CSPP1: variants seen among roughly 807,000 people sequenced by gnomAD.
CSPP1 encodes the protein centrosome and spindle pole-associated protein 1.
Under a neutral mutation model 164.4 loss-of-function variants are expected in CSPP1, and 126 were observed. The ratio of observed to expected loss-of-function variants is 0.77; its 90% CI spans 0.66 to 0.89. The LOEUF is 0.89. Among genes scored for constraint, CSPP1 ranks in the 40% least tolerant of loss-of-function variants. The pLI, the probability that CSPP1 is intolerant of heterozygous loss-of-function variation, is 0.00. For synonymous variants in CSPP1, 472 were observed against 476.7 expected (o/e 0.99, Z 0.13); for missense variants, 1,395 against 1,449.8 (o/e 0.96, Z 0.61).
chr8:67,153,420 A>G (rs573914161), intron 18 of CSPP1, among the ~76,000 whole-genome samples: 20 of 152,266 alleles, frequency 1.3e-4, no homozygotes, highest in Admixed American at 1.2e-3. Context: ...TAGGTAATAT[A>G]TACTAAAAAA....
intron 21 of CSPP1, among the ~76,000 whole-genome samples, chr8:67,160,240 G>A (rs1257833036): frequency 4.7e-5 from 7 of 150,482 alleles, no homozygotes; most frequent in African/African-American, 1.2e-4. Flanking sequence ...CGAGGCAGGC[G>A]GATCACTTGA....
intron 7 of CSPP1, among the ~76,000 whole-genome samples, chr8:67,102,225 A>G (rs985183254): frequency 2.0e-5 from 3 of 152,126 alleles, no homozygotes; most frequent in Non-Finnish European, 2.9e-5. Context: ...CCTGTGATTT[A>G]CAGTGTTAGC....
At chr8:67,148,210 C>T (rs910719152) in intron 17 of CSPP1, among the ~76,000 whole-genome samples, 6 of 152,174 alleles carry the variant, frequency 3.9e-5, no homozygotes, top group African/African-American at 1.2e-4. Context: ...TGAGCCACCA[C>T]GCCCGGCCAG....
intron 9 of CSPP1, among the ~76,000 whole-genome samples, chr8:67,107,253 G>A (rs1815764688): frequency 6.6e-6 from 1 of 152,044 alleles, no homozygotes; most frequent in East Asian, 1.9e-4. Flanking sequence ...TCACCATGTT[G>A]GCCAGGCTGG....
rs1421254885 is a variant in CSPP1 at position 67,149,930 on chromosome 8, G to A, written c.2123G>A (p.Ser708Asn). 1 of 1,451,312 alleles carries A rather than the reference G, an allele frequency of 6.9e-7. No individual in the cohort carries two copies. The highest frequency in any genetic ancestry group is 9.2e-7 in the Non-Finnish European group (1 of 1,085,062). The allele number at this position is 1,451,312 out of a possible 1,614,324, so 89.9% of individuals were successfully genotyped here. Residue 708 changes from serine (S) to asparagine (N), a missense_variant, in exon 18 of 31, where the codon AGC becomes AAC. Coordinates refer to ENST00000678616, the MANE Select transcript of CSPP1 (RefSeq NM_001382391.1). ...AENLEDAANK[S>N]SGHMQTQSSP... ...AACCTAGAAGATGCTGCAAATAAAAGCTCAGGTTTTTAATCACTTTTTTTT... is the reference window on the plus strand; with the variant it reads ...AACCTAGAAGATGCTGCAAATAAAAACTCAGGTTTTTAATCACTTTTTTTT...
chr8:67,076,572 G>C lies in CSPP1; in HGVS notation c.190G>C (p.Gly64Arg). The C allele has an allele frequency of 6.4e-7, 1 of 1,574,780 alleles. No individual in the cohort carries two copies. Among genetic ancestry groups the C allele is most frequent in the Non-Finnish European group, 8.7e-7 (1 of 1,153,882 alleles). ...NIPPNSQQTR[G>R]SLGIDYGLSL... ...ACCACCAAATAGTCAACAGACCAGG[G>C]GTTCCTTAGGTATGTCATTAGATGT... Residue 64 changes from glycine (G) to arginine (R), a missense_variant, in exon 3 of 31, where the codon GGT (glycine) becomes CGT (arginine). Coordinates refer to ENST00000678616, the MANE Select transcript of CSPP1 (RefSeq NM_001382391.1).
chr8:67,195,778 T>TATA lies in CSPP1; in HGVS notation c.*189_*191dup, dbSNP rs1837823039. 2 of 581,240 alleles carry TATA rather than the reference T, an allele frequency of 3.4e-6. No homozygotes were observed. Among genetic ancestry groups the TATA allele is most frequent in the Admixed American group, 6.2e-5 (2 of 32,346 alleles). The allele number at this position is 581,240 out of a possible 1,614,324, so 36.0% of individuals were successfully genotyped here. ...ATAAAAGGCCATGATTATTGATTTA[T>TATA]ATAATAGAATTGTATAGATTATTTT... is the stretch of plus-strand genomic sequence containing the variant. On this transcript the variant is annotated 3_prime_UTR_variant, in exon 31 of 31. Coordinates refer to ENST00000678616, the MANE Select transcript of CSPP1 (RefSeq NM_001382391.1).
At chr8:67,191,319 T>C (rs558787475) in intron 29 of CSPP1, among the ~76,000 whole-genome samples, 5 of 152,346 alleles carry the variant, frequency 3.3e-5, no homozygotes, top group African/African-American at 1.2e-4. Flanking sequence ...TTTCCTTATA[T>C]ATGACGTGAA....
intron 1 of CSPP1, among the ~76,000 whole-genome samples, chr8:67,072,289 A>G (rs1471792859): frequency 1.3e-5 from 2 of 149,348 alleles, no homozygotes; most frequent in Admixed American, 6.7e-5. Flanking sequence ...CTCTGTCTCA[A>G]AAAAAAAAAA....
intron 30 of CSPP1, 152 bp from the exon 31 acceptor site, chr8:67,195,230 G>C: frequency 1.5e-6 from 1 of 688,048 alleles, no homozygotes; most frequent in Non-Finnish European, 2.6e-6. Context: ...GGGGTGGGGT[G>C]AGTCTAACCA....
chr8:67,177,834 TAAG>T, intron 27 of CSPP1, 108 bp downstream of exon 27: 2 of 804,482 alleles, frequency 2.5e-6, no homozygotes, highest in East Asian at 2.4e-5. Context: ...AATATTGAAT[TAAG>T]AACGTAAGTC....
chr8:67,194,307 C>T (rs1221415921), intron 30 of CSPP1, among the ~76,000 whole-genome samples: 1 of 152,162 alleles, frequency 6.6e-6, no homozygotes, highest in Non-Finnish European at 1.5e-5. Context: ...ATCTACATTA[C>T]AATAATCTGT....
intron 7 of CSPP1, among the ~76,000 whole-genome samples, 163 bp downstream of exon 7, chr8:67,095,895 C>T (rs1812656219): frequency 6.6e-6 from 1 of 152,044 alleles, no homozygotes; most frequent in Non-Finnish European, 1.5e-5. Flanking sequence ...TATTTTATGT[C>T]CCACTGAGGG....
intron 2 of CSPP1, among the ~76,000 whole-genome samples, chr8:67,075,358 T>A (rs763069705): frequency 9.9e-5 from 15 of 152,232 alleles, no homozygotes; most frequent in Non-Finnish European, 1.9e-4. Flanking sequence ...GTTTACCTGT[T>A]GTCCAGTGTT....
At chr8:67,137,347 C>G (rs1822543586) in intron 16 of CSPP1, 109 bp from the exon 17 acceptor site, 9 of 833,210 alleles carry the variant, frequency 1.1e-5, no homozygotes, top group South Asian at 3.3e-5. Context: ...AAAAAAAAAG[C>G]AAATTTTTTT....
chr8:67,142,936 G>T (rs1350019881), intron 17 of CSPP1, among the ~76,000 whole-genome samples: 1 of 152,148 alleles, frequency 6.6e-6, no homozygotes, highest in Non-Finnish European at 1.5e-5. Context: ...TGCAAAGATG[G>T]TGTAGAGAGT....
At chr8:67,107,983 G>GTTTTTTTT (rs34204898) in intron 9 of CSPP1, among the ~76,000 whole-genome samples, 22 of 127,132 alleles carry the variant, frequency 1.7e-4, no homozygotes, top group African/African-American at 2.4e-4. Flanking sequence ...CTTTGACAAA[G>GTTTTTTTT]TTTTTTTTTT....
At chr8:67,130,504 C>T (rs1179439572) in intron 15 of CSPP1, among the ~76,000 whole-genome samples, 1 of 152,180 alleles carries the variant, frequency 6.6e-6, no homozygotes, top group Non-Finnish European at 1.5e-5. Flanking sequence ...AAAATACAGT[C>T]AGTTAGGAAC....
intron 15 of CSPP1, among the ~76,000 whole-genome samples, chr8:67,120,048 T>C (rs1335459919): frequency 1.3e-5 from 2 of 152,198 alleles, no homozygotes; most frequent in African/African-American, 4.8e-5. Flanking sequence ...AATTTTTTTA[T>C]GGTATTGCAT....
Sources: allele counts gnomAD v4.1 joint callset (sites outside exome capture counted in the v4.1 genomes callset), GRCh38; gene constraint gnomAD v4.1.1; transcripts MANE v1.5; gene names NCBI Gene and HGNC (gene_info 2026-07-23, HGNC 2026-07-21).